The following CUL2 variants were observed in gnomAD, a reference collection of about 807,000 sequenced individuals.
The protein encoded by CUL2 is cullin 2, also known as cullin-2.
CUL2 carries 22 observed loss-of-function variants against 110.2 expected under a neutral mutation model. The observed-to-expected ratio is 0.20, with a 90% CI of 0.14 to 0.28. The LOEUF (loss-of-function observed/expected upper bound fraction) is 0.28. CUL2 is among the 10% of genes least tolerant of loss of function. The probability of loss-of-function intolerance (pLI) is 1.00; values close to 1 mark genes in which losing one functional copy is unlikely to be tolerated. For missense variants in CUL2, 631 were observed against 905.5 expected (o/e 0.70, Z 3.89); for synonymous variants, 279 against 293.2 (o/e 0.95, Z 0.49).
intron 2 of CUL2, among the ~76,000 whole-genome samples, chr10:35,067,153 A>AG (rs1174158072): frequency 1.9e-4 from 29 of 151,848 alleles, no homozygotes; most frequent in African/African-American, 6.0e-4. Flanking sequence ...AAAAAAAAAA[A>AG]AAAAAGAAAT....
chr10:35,033,338 T>G, intron 10 of CUL2, 65 bp from the exon 11 acceptor site: 1 of 1,048,242 alleles, frequency 9.5e-7, no homozygotes, highest in Non-Finnish European at 1.4e-6. Context: ...AACTATGAGG[T>G]TTATTAGACT....
intron 17 of CUL2, among the ~76,000 whole-genome samples, chr10:35,018,324 AACATGAG>A (rs2085096970): frequency 6.6e-6 from 1 of 151,412 alleles, no homozygotes; most frequent in Non-Finnish European, 1.5e-5. Flanking sequence ...AGATGAAATC[AACATGAG>A]ATTTGATTTT....
At chr10:35,024,539 A>G (rs977194511) in intron 17 of CUL2, among the ~76,000 whole-genome samples, 2 of 152,248 alleles carry the variant, frequency 1.3e-5, no homozygotes, top group Non-Finnish European at 2.9e-5. Context: ...GCTTTGGCTT[A>G]CATCTTCAGG....
chr10:35,035,052 A>G (rs2085584574), intron 10 of CUL2, 120 bp downstream of exon 10: 1 of 1,179,914 alleles, frequency 8.5e-7, no homozygotes, highest in African/African-American at 1.5e-5. Flanking sequence ...GAATAAAGAC[A>G]TTTCTTTCGT....
intron 1 of CUL2, among the ~76,000 whole-genome samples, chr10:35,103,328 T>TA (rs1214650219): frequency 1.9e-4 from 23 of 120,416 alleles, no homozygotes; most frequent in South Asian, 3.3e-4. Flanking sequence ...TTTTTTTTTT[T>TA]TTTTATTTTT....
upstream of CUL2, chr10:35,090,447 G>C (rs1021779605): frequency 6.6e-6 from 1 of 151,598 alleles, no homozygotes; most frequent in African/African-American, 2.4e-5. Context: ...CGCGAGGAAA[G>C]ACAGCAAAGT....
At chr10:35,039,893 C>T (rs1388647969) in intron 8 of CUL2, among the ~76,000 whole-genome samples, 1 of 152,064 alleles carries the variant, frequency 6.6e-6, no homozygotes, top group Non-Finnish European at 1.5e-5. Flanking sequence ...TGGCTCATGC[C>T]TGCAATCCCA....
intron 3 of CUL2, among the ~76,000 whole-genome samples, chr10:35,061,661 G>T (rs920425493): frequency 1.3e-5 from 2 of 151,592 alleles, no homozygotes; most frequent in African/African-American, 4.8e-5. Flanking sequence ...GCAGATAAAT[G>T]ATCACATTAG....
Position 35,009,519 on chromosome 10 carries a change from GCT to G in CUL2, c.*790_*791del, listed in dbSNP as rs1204552642. 4.6e-5 allele frequency: 7 copies of G among 152,206 alleles called. No individual in the cohort carries two copies. The East Asian group carries it at 9.7e-4, about 21-fold the overall frequency. 9.4% of individuals were successfully genotyped at this position (152,206 alleles called of 1,614,324 possible). ...AAGAAAGACAACTTTTGAATGAAAAGCTCTCTCTGTGCCAGACTTGAGGTCAC... is the reference window on the plus strand; with the variant it reads ...AAGAAAGACAACTTTTGAATGAAAAGCTCTCTGTGCCAGACTTGAGGTCAC... On this transcript the variant is annotated 3_prime_UTR_variant, in exon 21 of 21. Coordinates refer to ENST00000374749, the MANE Select transcript of CUL2 (RefSeq NM_003591.4).
rs1365719083 is a variant in CUL2, at chr10:35,020,229, T to C, written c.1685-3835A>G. On this transcript the variant is annotated intron_variant, in intron 17 of 20. Coordinates refer to ENST00000374749, the MANE Select transcript of CUL2 (RefSeq NM_003591.4). Reference sequence around the variant, plus strand: ...AGTACTGGATATTCTACAAGACAACTGGCCTGGTCTGTTCAAAACAGTGTG... The same window carrying C: ...AGTACTGGATATTCTACAAGACAACCGGCCTGGTCTGTTCAAAACAGTGTG... Among the ~76,000 whole-genome samples the C allele has an allele frequency of 4.6e-5, 7 of 151,308 alleles. No homozygotes were observed. In the East Asian group the frequency reaches 1.4e-3, roughly 29 times the overall value.
intron 1 of CUL2, 79 bp from the exon 2 acceptor site, chr10:35,071,418 G>T: frequency 1.5e-6 from 2 of 1,306,930 alleles, no homozygotes; most frequent in Non-Finnish European, 2.1e-6. Context: ...TTGTTTGTTT[G>T]CTTTGAGACG....
chr10:35,076,835 A>G (rs1260972179), intron 1 of CUL2, among the ~76,000 whole-genome samples: 7 of 152,086 alleles, frequency 4.6e-5, no homozygotes, highest in Non-Finnish European at 1.0e-4. Context: ...GGATCACCTG[A>G]GGTCAGGAGT....
At position 35,010,366 on chromosome 10, in the gene CUL2, T is replaced by C. The variant is rs1181488230; in HGVS notation, c.2183A>G (p.Lys728Arg). 2 of 1,611,878 alleles carry C rather than the reference T, an allele frequency of 1.2e-6. No individual in the cohort carries two copies. Among genetic ancestry groups the C allele is most frequent in the Non-Finnish European group, 1.7e-6 (2 of 1,179,024 alleles). Reference protein sequence around the residue: ...IKKCIEVLIDKQYIERSQASA... With the variant: ...IKKCIEVLIDRQYIERSQASA... ...CGCCTGGCTGCGTTCTATGTATTGT[T>C]TGTCTATCAGAACTTCAATACACTT... is the stretch of plus-strand genomic sequence containing the variant. The change falls in exon 21 of 21, where the codon AAA becomes AGA. Residue 728 changes from lysine (K) to arginine (R), a missense_variant. This residue lies in a region of CUL2 where 159 missense variants were observed against 202.7 expected (regional missense o/e 0.78). Coordinates refer to ENST00000374749, the MANE Select transcript of CUL2 (RefSeq NM_003591.4).
chr10:35,111,506 C>T (rs749735921), intron 1 of CUL2, among the ~76,000 whole-genome samples: 3 of 152,148 alleles, frequency 2.0e-5, no homozygotes, highest in Non-Finnish European at 4.4e-5. Context: ...CCATCCTCTG[C>T]CTTGGTCTCC....
chr10:35,106,307 T>G (rs898689686), intron 1 of CUL2, among the ~76,000 whole-genome samples: 2 of 151,686 alleles, frequency 1.3e-5, no homozygotes, highest in East Asian at 3.9e-4. Context: ...GTTTTTTGTT[T>G]TTTTTTTTGT....
chr10:35,012,835 A>G (rs1190416497), intron 19 of CUL2, among the ~76,000 whole-genome samples: 2 of 152,194 alleles, frequency 1.3e-5, no homozygotes, highest in African/African-American at 2.4e-5. Context: ...ATCAGGAAGC[A>G]TAAGTGATAG....
At chr10:35,035,391 C>A in intron 9 of CUL2, 95 bp from the exon 10 acceptor site, 2 of 1,374,904 alleles carry the variant, frequency 1.5e-6, no homozygotes, top group South Asian at 1.4e-5. Flanking sequence ...TATACGGATC[C>A]AAGTGCAGAG....
intron 2 of CUL2, chr10:35,063,752 T>TC (rs2086444567): frequency 6.6e-6 from 1 of 150,380 alleles, no homozygotes; most frequent in Non-Finnish European, 1.5e-5. Flanking sequence ...GCATTTCCTT[T>TC]TTTTTTTTTT....
chr10:35,031,651 A>G lies in CUL2; in HGVS notation c.1171-32T>C, dbSNP rs1376193106. ...TAGAAATTGATAATAAATCTTACAA[A>G]GGGTGCTTCTGTATATATCACGCCT... On this transcript the variant is annotated intron_variant, in intron 12 of 20. Transcript: ENST00000374749. This position sits in a 1 kb window ranked among gnomAD's most constrained non-coding sequence, Gnocchi z 4.4. 1.2e-6 allele frequency: 2 copies of G among 1,612,502 alleles called. No individual in the cohort carries two copies. Among genetic ancestry groups the G allele is most frequent in the East Asian group, 2.2e-5 (1 of 44,868 alleles).
Sources: gnomAD v4.1 joint callset for allele counts (sites outside exome capture counted in the v4.1 genomes callset) on GRCh38, gnomAD v4.1.1 for gene constraint, gnomAD v4.1.1 regional missense constraint, Gnocchi (gnomAD v3.1) non-coding constraint, MANE v1.5 for transcripts, NCBI Gene and HGNC (gene_info 2026-07-23, HGNC 2026-07-21) for gene names.